DNER: variants seen among roughly 807,000 people sequenced by gnomAD.
DNER encodes the protein delta/notch like EGF repeat containing, also known as delta and Notch-like epidermal growth factor-related receptor.
In DNER, 33 loss-of-function variants were observed where a neutral mutation model predicts 78.2. The observed-to-expected ratio is 0.42, with a 90% confidence interval of 0.32 to 0.56. The LOEUF is 0.56. DNER is among the 20% of genes least tolerant of loss of function. DNER has a pLI of 0.11. For missense variants in DNER, 918 were observed against 975.3 expected (o/e 0.94, Z 0.78); for synonymous variants, 417 against 384.8 (o/e 1.08, Z -0.98).
chr2:229,483,441 GA>G (rs536880702), intron 6 of DNER, among the ~76,000 whole-genome samples: 262 of 152,276 alleles, frequency 1.7e-3, no homozygotes, highest in African/African-American at 5.7e-3. Flanking sequence ...TGATGATTGA[GA>G]AAAAATGTGA....
At chr2:229,553,375 C>A (rs1010152331) in intron 4 of DNER, among the ~76,000 whole-genome samples, 1 of 152,116 alleles carries the variant, frequency 6.6e-6, no homozygotes, top group African/African-American at 2.4e-5. Context: ...AGTCAGAATT[C>A]CTGACTCTTT....
intron 1 of DNER, among the ~76,000 whole-genome samples, chr2:229,617,838 G>A (rs539538675): frequency 6.6e-6 from 1 of 152,284 alleles, no homozygotes; most frequent in South Asian, 2.1e-4. Context: ...TGTGGTCCCA[G>A]CTACTTAGGA....
chr2:229,513,306 CAACT>C (rs1296505085), intron 5 of DNER, among the ~76,000 whole-genome samples: 1 of 152,142 alleles, frequency 6.6e-6, no homozygotes, highest in African/African-American at 2.4e-5. Context: ...TCACTCCAAC[CAACT>C]AAAACCTTCA....
chr2:229,396,887 G>T (rs767673920), intron 10 of DNER, among the ~76,000 whole-genome samples: 5 of 152,128 alleles, frequency 3.3e-5, no homozygotes, highest in Non-Finnish European at 5.9e-5. Context: ...GGTAGTCAAT[G>T]TGAGGGAAGG....
intron 1 of DNER, among the ~76,000 whole-genome samples, chr2:229,682,853 GA>G (rs1301598998): frequency 1.3e-5 from 2 of 150,932 alleles, no homozygotes; most frequent in Non-Finnish European, 3.0e-5. Context: ...GTCTCAAAGA[GA>G]AAAAAAAGAA....
intron 1 of DNER, among the ~76,000 whole-genome samples, chr2:229,647,744 C>A (rs896654797): frequency 6.6e-6 from 1 of 152,196 alleles, no homozygotes; most frequent in East Asian, 1.9e-4. Flanking sequence ...GATTGAAAAG[C>A]AATTTTTGTA....
intron 4 of DNER, among the ~76,000 whole-genome samples, chr2:229,574,109 A>G (rs113994694): frequency 0.012 from 1,886 of 152,304 alleles, 36 homozygotes; most frequent in Middle Eastern, 0.048. Flanking sequence ...GTGGAGCAAC[A>G]CAGAATTCTG....
chr2:229,477,085 T>C, intron 7 of DNER, 55 bp downstream of exon 7: 2 of 1,387,734 alleles, frequency 1.4e-6, no homozygotes, highest in Non-Finnish European at 2.0e-6. Flanking sequence ...CTGATCAAAT[T>C]AGTTTATGAT....
At chr2:229,505,854 T>C (rs1263211740) in intron 6 of DNER, among the ~76,000 whole-genome samples, 3 of 152,242 alleles carry the variant, frequency 2.0e-5, no homozygotes, top group Non-Finnish European at 4.4e-5. Flanking sequence ...TTCATATTAT[T>C]TCATGAAAAT....
chr2:229,660,457 C>CT (rs1559199112), intron 1 of DNER, among the ~76,000 whole-genome samples: 1 of 152,092 alleles, frequency 6.6e-6, no homozygotes, highest in East Asian at 1.9e-4. Flanking sequence ...TGATCTCATT[C>CT]TTTTTTGTGG....
intron 6 of DNER, among the ~76,000 whole-genome samples, chr2:229,487,115 A>C (rs1378895904): frequency 6.6e-6 from 1 of 152,246 alleles, no homozygotes; most frequent in Non-Finnish European, 1.5e-5. Flanking sequence ...ATATGACATC[A>C]AAAAGCCTTT....
At chr2:229,366,255 C>A (rs1692344707) in intron 12 of DNER, among the ~76,000 whole-genome samples, 2 of 152,132 alleles carry the variant, frequency 1.3e-5, no homozygotes, top group African/African-American at 2.4e-5. Flanking sequence ...AGAGTTATCC[C>A]TTTATACAGT....
chr2:229,448,144 A>G (rs777561784), intron 7 of DNER, among the ~76,000 whole-genome samples: 3 of 152,202 alleles, frequency 2.0e-5, no homozygotes, highest in Non-Finnish European at 2.9e-5. Context: ...TGTAAGAGAA[A>G]CAAAAGTGAT....
At chr2:229,548,516 C>T (rs141252427) in intron 4 of DNER, among the ~76,000 whole-genome samples, 3,596 of 152,214 alleles carry the variant, frequency 0.024, 149 homozygotes, top group African/African-American at 0.083. Flanking sequence ...ACCACATGTT[C>T]TCACTTATAG....
intron 1 of DNER, among the ~76,000 whole-genome samples, chr2:229,684,558 G>A (rs1186522047): frequency 3.3e-5 from 5 of 152,022 alleles, no homozygotes; most frequent in South Asian, 4.2e-4. Flanking sequence ...ACATCTCATC[G>A]AAATGTCTGC....
chr2:229,665,200 A>G (rs1699068935), intron 1 of DNER, among the ~76,000 whole-genome samples: 1 of 152,244 alleles, frequency 6.6e-6, no homozygotes, highest in Non-Finnish European at 1.5e-5. Flanking sequence ...ACTGAAGTCC[A>G]GATCCTCAGG....
intron 6 of DNER, among the ~76,000 whole-genome samples, chr2:229,497,790 A>C (rs1397677175): frequency 6.6e-6 from 1 of 152,178 alleles, no homozygotes; most frequent in Non-Finnish European, 1.5e-5. Flanking sequence ...GAACAGACCA[A>C]GAATGAGTAA....
intron 6 of DNER, among the ~76,000 whole-genome samples, chr2:229,497,257 A>T (rs1695519347): frequency 6.6e-6 from 1 of 152,196 alleles, no homozygotes; most frequent in Admixed American, 6.5e-5. Flanking sequence ...AAACAAACAA[A>T]AATGGAAACA....
intron 1 of DNER, among the ~76,000 whole-genome samples, chr2:229,648,209 G>C (rs1160666698): frequency 6.6e-6 from 1 of 152,142 alleles, no homozygotes; most frequent in Non-Finnish European, 1.5e-5. Flanking sequence ...TGATGCTGTT[G>C]CTTTCCCATT....
Sources: allele counts gnomAD v4.1 joint callset (sites outside exome capture counted in the v4.1 genomes callset), GRCh38; gene constraint gnomAD v4.1.1; transcripts MANE v1.5; gene names NCBI Gene and HGNC (gene_info 2026-07-23, HGNC 2026-07-21).